The following CATSPERT variants were observed in gnomAD, a reference collection of about 807,000 sequenced individuals.
CATSPERT encodes the protein cation channel sperm-associated targeting subunit tau.
the CATSPERT span, among the ~76,000 whole-genome samples, chr2:201,508,043 A>G: frequency 2.0e-5 from 3 of 152,254 alleles, no homozygotes; most frequent in Non-Finnish European, 4.4e-5. Context: ...GGGACACAAA[A>G]TCAAACCACA....
chr2:201,604,184 G>A, the CATSPERT span, among the ~76,000 whole-genome samples: 2 of 151,676 alleles, frequency 1.3e-5, no homozygotes, highest in East Asian at 1.9e-4. Flanking sequence ...AGAGAGGGGG[G>A]TGTTTGCTTT....
chr2:201,589,605 CAA>C, the CATSPERT span, among the ~76,000 whole-genome samples: 1 of 152,078 alleles, frequency 6.6e-6, no homozygotes, highest in East Asian at 1.9e-4. Context: ...AAAATTCACT[CAA>C]GATTGATTAA....
chr2:201,549,881 A>T, the CATSPERT span: 1 of 152,104 alleles, frequency 6.6e-6, no homozygotes, highest in Non-Finnish European at 1.5e-5. Flanking sequence ...AATCCTATAC[A>T]TGATAGGTAA....
At chr2:201,545,834 A>G in the CATSPERT span, among the ~76,000 whole-genome samples, 1 of 152,108 alleles carries the variant, frequency 6.6e-6, no homozygotes, top group African/African-American at 2.4e-5. Flanking sequence ...TACTCTGGCT[A>G]GGAGTTGATG....
chr2:201,576,817 C>T, the CATSPERT span, among the ~76,000 whole-genome samples: 1 of 152,196 alleles, frequency 6.6e-6, no homozygotes, highest in Non-Finnish European at 1.5e-5. Flanking sequence ...TTACCTCTAA[C>T]CTTGCACCCT....
the CATSPERT span, among the ~76,000 whole-genome samples, chr2:201,530,603 G>A: frequency 6.6e-6 from 1 of 152,128 alleles, no homozygotes; most frequent in Non-Finnish European, 1.5e-5. Context: ...TGGAATTCAT[G>A]GCTTAAAGAG....
the CATSPERT span, among the ~76,000 whole-genome samples, chr2:201,612,350 G>C: frequency 6.6e-6 from 1 of 152,036 alleles, no homozygotes; most frequent in Admixed American, 6.5e-5. Flanking sequence ...CAGGTGGGTG[G>C]ATCACCTGAG....
chr2:201,611,851 G>T, the CATSPERT span, among the ~76,000 whole-genome samples: 2 of 152,136 alleles, frequency 1.3e-5, no homozygotes, highest in African/African-American at 4.8e-5. Context: ...CCCCTTTGCC[G>T]TTTAGGTCTC....
At chr2:201,498,776 A>T in the CATSPERT span, among the ~76,000 whole-genome samples, 1 of 152,146 alleles carries the variant, frequency 6.6e-6, no homozygotes, top group Admixed American at 6.5e-5. Flanking sequence ...TTCTCTGTGC[A>T]CACAGAGCAA....
chr2:201,565,306 A>AAG, the CATSPERT span, among the ~76,000 whole-genome samples: 1 of 39,156 alleles, frequency 2.6e-5, no homozygotes, highest in Non-Finnish European at 6.6e-5. Context: ...CCTCGTCTCA[A>AAG]AAAAAAAAAA....
chr2:201,591,737 C>T, the CATSPERT span, among the ~76,000 whole-genome samples: 2 of 151,958 alleles, frequency 1.3e-5, no homozygotes, highest in South Asian at 2.1e-4. Context: ...ATTTTATTCT[C>T]TTTGAAGCAA....
chr2:201,492,529 G>A, the CATSPERT span: 1 of 1,535,956 alleles, frequency 6.5e-7, no homozygotes, highest in African/African-American at 1.4e-5. Flanking sequence ...AAAAGATATT[G>A]AGACACTTTT....
At chr2:201,518,876 T>A in the CATSPERT span, among the ~76,000 whole-genome samples, 1 of 152,216 alleles carries the variant, frequency 6.6e-6, no homozygotes, top group Non-Finnish European at 1.5e-5. Flanking sequence ...AATTTTTTTA[T>A]TGAGCCATCT....
At chr2:201,589,680 C>G in the CATSPERT span, among the ~76,000 whole-genome samples, 1 of 152,008 alleles carries the variant, frequency 6.6e-6, no homozygotes, top group South Asian at 2.1e-4. Context: ...TAAGCAATAC[C>G]ATTCAGGACA....
At chr2:201,560,414 C>T in the CATSPERT span, among the ~76,000 whole-genome samples, 1 of 148,774 alleles carries the variant, frequency 6.7e-6, no homozygotes, top group Non-Finnish European at 1.5e-5. Context: ...CAGAGCAAGA[C>T]TCTGTCTCAA....
At chr2:201,545,471 A>G in the CATSPERT span, 1 of 1,031,942 alleles carries the variant, frequency 9.7e-7, no homozygotes, top group South Asian at 1.6e-5. Flanking sequence ...CAAATTACTA[A>G]TTGTCTTTTT....
At chr2:201,574,080 G>A in the CATSPERT span, 10 of 533,386 alleles carry the variant, frequency 1.9e-5, no homozygotes, top group East Asian at 3.4e-5. Flanking sequence ...CCTCAAAGTC[G>A]GGAGGTAAAG....
chr2:201,600,455 A>T, the CATSPERT span, among the ~76,000 whole-genome samples: 1 of 152,144 alleles, frequency 6.6e-6, no homozygotes, highest in Admixed American at 6.5e-5. Context: ...GGGCTGGGGA[A>T]GGGATAGCAT....
At chr2:201,572,049 CTG>C in the CATSPERT span, 32 of 1,546,588 alleles carry the variant, frequency 2.1e-5, no homozygotes, top group Admixed American at 3.5e-4. Flanking sequence ...TATTTTAGCA[CTG>C]TTTAGTTTCA....
Sources: gnomAD v4.1 joint callset for allele counts (sites outside exome capture counted in the v4.1 genomes callset) on GRCh38, gnomAD v4.1.1 for gene constraint, MANE v1.5 for transcripts, NCBI Gene and HGNC (gene_info 2026-07-23, HGNC 2026-07-21) for gene names.